ZMYM5: variants seen among roughly 807,000 people sequenced by gnomAD.
The protein encoded by ZMYM5 is zinc finger MYM-type protein 5.
ZMYM5 carries 41 observed loss-of-function variants against 61.8 expected under a neutral mutation model. The ratio of observed to expected loss-of-function variants is 0.66; its 90% CI spans 0.52 to 0.86. The LOEUF (loss-of-function observed/expected upper bound fraction) is 0.86. Among genes scored for constraint, ZMYM5 ranks in the 40% least tolerant of loss-of-function variants. ZMYM5 has a pLI of 0.00. For missense variants in ZMYM5, 706 were observed against 786.7 expected (o/e 0.90, Z 1.23); for synonymous variants, 257 against 276.4 (o/e 0.93, Z 0.70).
At chr13:19,837,561 C>G in intron 6 of ZMYM5, 95 bp downstream of exon 6, 1 of 1,608,946 alleles carries the variant, frequency 6.2e-7, no homozygotes, top group Non-Finnish European at 8.5e-7. Context: ...ATCCAGAACA[C>G]GTGCATTATG....
chr13:19,835,825 G>C (rs967158976), intron 6 of ZMYM5, 136 bp from the exon 7 acceptor site: 3 of 583,676 alleles, frequency 5.1e-6, no homozygotes, highest in East Asian at 7.0e-5. Context: ...CCAGGGAAAA[G>C]ATTTTTTTTT....
Position 19,851,894 on chromosome 13 carries a change from T to A in ZMYM5, c.287A>T (p.Tyr96Phe), listed in dbSNP as rs746411539. 6.2e-7 allele frequency: 1 copy of A among 1,612,638 alleles called. No individual in the cohort carries two copies. The highest frequency in any genetic ancestry group is 1.1e-5 in the South Asian group (1 of 90,598). ...SSKNEKPQGNYSVIPPSSRDL... is the reference protein window; with the variant it reads ...SSKNEKPQGNFSVIPPSSRDL... The stretch of plus-strand genomic sequence containing the variant: ...TCTTGAAGAAGGAGGAATTACAGAA[T>A]AATTTCCTTGAGGCTTTTCATTTTT... The change falls in exon 3 of 8, where the codon TAT becomes TTT. Residue 96 changes from tyrosine (Y) to phenylalanine (F), a missense_variant. Tyr to Phe is a conservative substitution (Grantham distance 22). Around this residue, in one of 2 missense-constraint regions of ZMYM5, gnomAD observed 480 missense variants for 461.7 expected, o/e 1.04. Coordinates refer to ENST00000337963, the MANE Select transcript of ZMYM5 (RefSeq NM_001142684.2).
Position 19,824,467 on chromosome 13 carries a change from C to T in ZMYM5, c.*10G>A, listed in dbSNP as rs1389236943. Reference sequence around the variant, plus strand: ...TTCTGATCATCATGCCAAAAAACAACTCAGGTATATTACGTGTACAACAAC... The same window carrying T: ...TTCTGATCATCATGCCAAAAAACAATTCAGGTATATTACGTGTACAACAAC... On this transcript the variant is annotated 3_prime_UTR_variant, in exon 8 of 8. Coordinates refer to ENST00000337963, the MANE Select transcript of ZMYM5 (RefSeq NM_001142684.2). The T allele has an allele frequency of 7.8e-7, 1 of 1,278,600 alleles. No homozygotes were observed. The highest frequency in any genetic ancestry group is 4.7e-5 in the East Asian group (1 of 21,176). 79.2% of individuals were successfully genotyped at this position (1,278,600 alleles called of 1,614,324 possible).
rs148140580 is a variant in ZMYM5, at chr13:19,851,713, G to C, written c.468C>G (p.Ser156=). The stretch of plus-strand genomic sequence containing the variant: ...CCTTACTTCTTGAAAGACTGGAAGT[G>C]GAGAAATCCAAATCGTTGGTTTTGT... The part of the protein sequence containing the change: ...TKNKTNDLDF[S]TSSLSRSKTK... The change falls in exon 3 of 8, where the codon TCC becomes TCG. Residue 156 remains serine, a synonymous_variant. Transcript: ENST00000337963. 1.0e-5 allele frequency: 16 copies of C among 1,579,674 alleles called. No homozygotes were observed. The African/African-American group carries it at 1.9e-4, about 19-fold the overall frequency.
rs750371947 is a variant in ZMYM5, at chr13:19,851,671, A to G, written c.492+18T>C. 1 of 1,558,622 alleles carries G rather than the reference A, an allele frequency of 6.4e-7. No homozygotes were observed. Among genetic ancestry groups the G allele is most frequent in the East Asian group, 2.2e-5 (1 of 44,718 alleles). On this transcript the variant is annotated intron_variant, in intron 3 of 7. Transcript: ENST00000337963. ...TCAATTCTGTAGTGATACCACTATT[A>G]CCCATTCCTGCATTTACCTTACTTC...
At chr13:19,834,306 GA>G (rs34609697) in intron 7 of ZMYM5, among the ~76,000 whole-genome samples, 104,262 of 151,154 alleles carry the variant, frequency 0.69, 38,535 homozygotes, top group East Asian at 0.89. Context: ...AAAAACAGAA[GA>G]AAAAAAATTT....
chr13:19,838,739 T>G lies in ZMYM5; in HGVS notation c.833A>C (p.His278Pro). 1.2e-6 allele frequency: 2 copies of G among 1,614,226 alleles called. No individual in the cohort carries two copies. The highest frequency in any genetic ancestry group is 1.7e-6 in the Non-Finnish European group (2 of 1,180,038). ...GCTTCGTGTGTTTTGAGTACGTTTA[T>G]GAGAGAAGGAAGAAAGGCAGGTGGT... ...CSTTCLSSFS[H>P]KRTQNTRSII... The change falls in exon 5 of 8, where the codon CAT (histidine) becomes CCT (proline). Residue 278 changes from histidine (H) to proline (P), a missense_variant. Transcript: ENST00000337963.
chr13:19,846,750 C>T (rs1953085789), intron 4 of ZMYM5, among the ~76,000 whole-genome samples: 1 of 149,786 alleles, frequency 6.7e-6, no homozygotes, highest in African/African-American at 2.5e-5. Context: ...AAATACAGTC[C>T]CCCCCTTTTT....
intron 2 of ZMYM5, among the ~76,000 whole-genome samples, chr13:19,860,671 C>G (rs1953712677): frequency 6.6e-6 from 1 of 151,900 alleles, no homozygotes; most frequent in African/African-American, 2.4e-5. Flanking sequence ...CTTCTGACCT[C>G]AGGTGATCCA....
intron 6 of ZMYM5, among the ~76,000 whole-genome samples, chr13:19,836,537 G>C (rs549032134): frequency 6.6e-6 from 1 of 152,096 alleles, no homozygotes; most frequent in East Asian, 1.9e-4. Flanking sequence ...TCAAACTCCT[G>C]GACTCCAGTG....
intron 4 of ZMYM5, among the ~76,000 whole-genome samples, chr13:19,841,587 G>T (rs1952879953): frequency 6.6e-6 from 1 of 152,030 alleles, no homozygotes; most frequent in African/African-American, 2.4e-5. Flanking sequence ...CTAGGTATCA[G>T]AAATGAAACT....
intron 6 of ZMYM5, chr13:19,837,425 G>C (rs1952707186): frequency 6.6e-7 from 1 of 1,524,770 alleles, no homozygotes; most frequent in African/African-American, 1.4e-5. Flanking sequence ...CCTTGTTTAT[G>C]AGCACAACAA....
chr13:19,859,963 A>C (rs150646989), intron 2 of ZMYM5, among the ~76,000 whole-genome samples: 1 of 149,090 alleles, frequency 6.7e-6, no homozygotes, highest in Non-Finnish European at 1.5e-5. Context: ...CAATTAGCCA[A>C]CGTGGTGGCA....
chr13:19,854,040 T>G (rs79272455), intron 2 of ZMYM5, among the ~76,000 whole-genome samples: 2,802 of 152,248 alleles, frequency 0.018, 85 homozygotes, highest in African/African-American at 0.062. Context: ...AGACAGAGTC[T>G]CACTCTATCG....
At chr13:19,851,543 A>G in intron 3 of ZMYM5, 95 bp from the exon 4 acceptor site, 4 of 1,555,570 alleles carry the variant, frequency 2.6e-6, no homozygotes, top group East Asian at 2.2e-5. Context: ...GGTATTCTAT[A>G]GTGATGTTTT....
rs757695927 is a variant in ZMYM5 at position 19,851,874 on chromosome 13, A to C, written c.307T>G (p.Ser103Ala). The part of the protein sequence containing the change: ...QGNYSVIPPS[S>A]RDLASQKGNI... ...CCTTTCTGAGATGCCAAATCTCTTG[A>C]AGAAGGAGGAATTACAGAATAATTT... Residue 103 changes from serine (S) to alanine (A), a missense_variant, in exon 3 of 8, where the codon TCA (serine) becomes GCA (alanine). Around this residue, in one of 2 missense-constraint regions of ZMYM5, gnomAD observed 480 missense variants for 461.7 expected, o/e 1.04. Transcript: ENST00000337963. 45 of 1,611,370 alleles carry C rather than the reference A, an allele frequency of 2.8e-5. No homozygotes were observed. Among genetic ancestry groups the C allele is most frequent in the Non-Finnish European group, 2.0e-5 (24 of 1,179,108 alleles).
At chr13:19,835,384 T>G in intron 7 of ZMYM5, 93 bp downstream of exon 7, 1 of 873,906 alleles carries the variant, frequency 1.1e-6, no homozygotes, top group South Asian at 1.6e-5. Context: ...AAAATGGAAT[T>G]AAATGAGATT....
In ZMYM5 at chr13:19,824,693, T is replaced by C. The variant is rs1566081512; in HGVS notation, c.1794A>G (p.Glu598=). The C allele has an allele frequency of 7.4e-7, 1 of 1,345,984 alleles. No homozygotes were observed. 83.4% of individuals were successfully genotyped at this position (1,345,984 alleles called of 1,614,324 possible). Residue 598 remains glutamate (E), a synonymous_variant, in exon 8 of 8, where the codon GAA becomes GAG. Coordinates refer to ENST00000337963, the MANE Select transcript of ZMYM5 (RefSeq NM_001142684.2). ...TTTCATTTTTCAGTTGATTTTTTCC[T>C]TCCCCAAAGAGTTTGCAATATAGAC... ...VFCLYCKLFG[E]GKNQLKNENG...
intron 7 of ZMYM5, among the ~76,000 whole-genome samples, chr13:19,831,787 CAAAAAAAAA>C (rs1190448216): frequency 1.4e-4 from 5 of 36,682 alleles, no homozygotes; most frequent in Non-Finnish European, 1.7e-4. Flanking sequence ...GACTCTGTCT[CAAAAAAAAA>C]AAAAAAAAAA....
Sources: gnomAD v4.1 joint callset for allele counts (sites outside exome capture counted in the v4.1 genomes callset) on GRCh38, gnomAD v4.1.1 for gene constraint, gnomAD v4.1.1 regional missense constraint, MANE v1.5 for transcripts, NCBI Gene and HGNC (gene_info 2026-07-23, HGNC 2026-07-21) for gene names.